MAD1L1: variants seen among roughly 807,000 people sequenced by gnomAD.
MAD1L1 encodes mitotic spindle assembly checkpoint protein MAD1.
In MAD1L1, 95 loss-of-function variants were observed where a neutral mutation model predicts 96.9. That is an observed-to-expected ratio of 0.98 (90% CI 0.83 to 1.16). The LOEUF (loss-of-function observed/expected upper bound fraction) is 1.16. MAD1L1 is among the 50% of genes most tolerant of loss of function. The pLI, the probability that MAD1L1 is intolerant of heterozygous loss-of-function variation, is 0.00. For synonymous variants in MAD1L1, 473 were observed against 396.6 expected, an observed-to-expected ratio of 1.19 and a Z score of -2.29; for missense variants, 1,007 against 954.4, an observed-to-expected ratio of 1.06 and a Z score of -0.73.
chr7:1,863,151 T>G (rs1245433953), intron 18 of MAD1L1, among the ~76,000 whole-genome samples: 1 of 152,240 alleles, frequency 6.6e-6, no homozygotes, highest in East Asian at 1.9e-4. Context: ...CGTCCAGATC[T>G]GAGCGCACGA....
rs1027150230 is a variant in MAD1L1, at chr7:1,908,516, G to A, written c.1808-10126C>T. Among the ~76,000 whole-genome samples the A allele has an allele frequency of 5.9e-5, 9 of 152,220 alleles. No homozygotes were observed. The East Asian group carries it at 1.7e-3, about 29-fold the overall frequency. On this transcript the variant is annotated intron_variant, in intron 17 of 18. Coordinates refer to ENST00000265854, the MANE Select transcript of MAD1L1 (RefSeq NM_001013836.2). ...CCCACCTCAGCTTCCCAAGTAGCTG[G>A]GACCACAGGGAGCACACCACCACAC... is the stretch of plus-strand genomic sequence containing the variant.
At position 2,225,515 on chromosome 7, in the gene MAD1L1, G is replaced by A. The variant is rs952089172; in HGVS notation, c.186C>T (p.Ser62=). Residue 62 remains serine (S), a synonymous_variant, in exon 4 of 19, where the codon TCC becomes TCT. Transcript: ENST00000265854. ...EERAEQIRSK[S]HLIQVEREKM... ...TCTCCCGCTCCACCTGGATGAGGTG[G>A]GACTTCGAACGGATCTGCTCTGCTC... The A allele has an allele frequency of 6.2e-7, 1 of 1,613,930 alleles. No individual in the cohort carries two copies. Among genetic ancestry groups the A allele is most frequent in the Non-Finnish European group, 8.5e-7 (1 of 1,180,046 alleles).
At chr7:1,921,856 A>AT (rs1388701530) in intron 17 of MAD1L1, among the ~76,000 whole-genome samples, 5 of 152,248 alleles carry the variant, frequency 3.3e-5, no homozygotes, top group African/African-American at 1.2e-4. Context: ...TCTCGACCTC[A>AT]TACCATACAC....
chr7:2,213,335 T>C, intron 9 of MAD1L1, 62 bp from the exon 10 acceptor site: 5 of 1,461,532 alleles, frequency 3.4e-6, no homozygotes, highest in Non-Finnish European at 4.8e-6. Context: ...CACATAAGAC[T>C]GACAATCATG....
chr7:1,829,876 G>A (rs1782620826), intron 18 of MAD1L1, among the ~76,000 whole-genome samples: 1 of 152,210 alleles, frequency 6.6e-6, no homozygotes, highest in Non-Finnish European at 1.5e-5. Context: ...GAGAATGACA[G>A]CAGACTTCTC....
At chr7:1,950,546 C>T (rs1779443846) in intron 16 of MAD1L1, among the ~76,000 whole-genome samples, 1 of 152,220 alleles carries the variant, frequency 6.6e-6, no homozygotes, top group South Asian at 2.1e-4. Flanking sequence ...GATAAAAACC[C>T]CAATCGTCAG....
chr7:1,926,659 A>T (rs1789107874), intron 17 of MAD1L1, among the ~76,000 whole-genome samples: 1 of 152,376 alleles, frequency 6.6e-6, no homozygotes, highest in Non-Finnish European at 1.5e-5. Flanking sequence ...TGATGCAGGA[A>T]AAGCATCTGA....
chr7:1,819,148 C>T (rs1377143238), intron 18 of MAD1L1, among the ~76,000 whole-genome samples: 2 of 152,198 alleles, frequency 1.3e-5, no homozygotes. Context: ...AAATATCACA[C>T]AGTCCCCAGG....
At chr7:2,195,728 C>T (rs775764763) in intron 10 of MAD1L1, among the ~76,000 whole-genome samples, 102 of 152,254 alleles carry the variant, frequency 6.7e-4, no homozygotes, top group Non-Finnish European at 1.2e-3. Flanking sequence ...GTAATTACTG[C>T]TCTTACTCTA....
At chr7:2,077,027 C>G (rs962210536) in intron 11 of MAD1L1, among the ~76,000 whole-genome samples, 5 of 146,736 alleles carry the variant, frequency 3.4e-5, no homozygotes, top group African/African-American at 1.3e-4. Context: ...ACGGTGAGCC[C>G]GAGACAGAGT....
At chr7:2,184,679 A>G (rs1329706688) in intron 10 of MAD1L1, among the ~76,000 whole-genome samples, 2 of 152,200 alleles carry the variant, frequency 1.3e-5, no homozygotes, top group East Asian at 3.9e-4. Context: ...CAAACGGGGA[A>G]ACAAACAAGC....
chr7:2,143,584 C>T (rs3779002), intron 11 of MAD1L1, among the ~76,000 whole-genome samples: 42,033 of 151,318 alleles, frequency 0.28, 7,250 homozygotes, highest in East Asian at 0.51. Flanking sequence ...ACTCTCGAGT[C>T]CCTTATGCTT....
chr7:2,107,121 G>A (rs1031024703), intron 11 of MAD1L1, among the ~76,000 whole-genome samples: 4 of 152,236 alleles, frequency 2.6e-5, no homozygotes, highest in African/African-American at 7.2e-5. Flanking sequence ...GCAGCGCACC[G>A]GGAGGCGTGG....
chr7:1,888,546 G>A (rs991969550), intron 18 of MAD1L1, among the ~76,000 whole-genome samples: 16 of 31,042 alleles, frequency 5.2e-4, no homozygotes, highest in Admixed American at 7.6e-4. Flanking sequence ...CTGTGCGTGT[G>A]TGTGAGCATG....
At chr7:1,973,473 G>A (rs1780492943) in intron 15 of MAD1L1, among the ~76,000 whole-genome samples, 1 of 152,136 alleles carries the variant, frequency 6.6e-6, no homozygotes, top group African/African-American at 2.4e-5. Flanking sequence ...CACTCACGAG[G>A]GCCACGGAAG....
chr7:1,955,082 T>A (rs1779667745), intron 16 of MAD1L1, among the ~76,000 whole-genome samples: 1 of 152,178 alleles, frequency 6.6e-6, no homozygotes, highest in South Asian at 2.1e-4. Context: ...CGCGCCCAGC[T>A]CTAAGGGGTA....
chr7:1,964,695 G>A (rs916238239), intron 15 of MAD1L1, among the ~76,000 whole-genome samples: 6 of 152,220 alleles, frequency 3.9e-5, no homozygotes, highest in South Asian at 2.1e-4. Context: ...AGAAGATGAC[G>A]CCAATCAAAG....
chr7:1,965,399 C>T (rs200411813), intron 15 of MAD1L1, among the ~76,000 whole-genome samples: 2 of 152,224 alleles, frequency 1.3e-5, no homozygotes, highest in African/African-American at 4.8e-5. Context: ...TGCCTGGACA[C>T]GTGCCCGGCT....
intron 17 of MAD1L1, among the ~76,000 whole-genome samples, chr7:1,934,827 G>A (rs1778487563): frequency 6.7e-6 from 1 of 148,772 alleles, no homozygotes; most frequent in Admixed American, 6.7e-5. Flanking sequence ...ACAAACAGAT[G>A]GGCAAACCCG....
Sources: gnomAD v4.1 joint callset for allele counts (sites outside exome capture counted in the v4.1 genomes callset) on GRCh38, gnomAD v4.1.1 for gene constraint, MANE v1.5 for transcripts, NCBI Gene and HGNC (gene_info 2026-07-23, HGNC 2026-07-21) for gene names.